The following AP1G1 variants were observed in gnomAD, a reference collection of about 807,000 sequenced individuals.
AP1G1 encodes adaptor related protein complex 1 subunit gamma 1.
AP1G1 carries 7 observed loss-of-function variants against 108.3 expected under a neutral mutation model. The observed-to-expected ratio is 0.06, with a 90% confidence interval of 0.04 to 0.12. AP1G1 has a LOEUF of 0.12. AP1G1 is among the 10% of genes least tolerant of loss of function. The pLI, the probability that AP1G1 is intolerant of heterozygous loss-of-function variation, is 1.00. For missense variants in AP1G1, 756 were observed against 1,010.7 expected (o/e 0.75, Z 3.42); for synonymous variants, 379 against 353.5 (o/e 1.07, Z -0.81).
In AP1G1 at chr16:71,774,497, G is replaced by A. The variant is rs1394322499; in HGVS notation, c.297C>T (p.Val99=). 6.2e-7 allele frequency: 1 copy of A among 1,603,024 alleles called. No homozygotes were observed. Among genetic ancestry groups the A allele is most frequent in the Admixed American group, 1.8e-5 (1 of 56,132 alleles). Residue 99 remains valine (V), a synonymous_variant, in exon 3 of 23, where the codon GTC becomes GTT. Transcript: ENST00000299980. ...TGATACAGTTGGTCATGAGAAGATG[G>A]ACATCTTGTCTTTCATCTAACAGCA... ...AMLLLDERQD[V]HLLMTNCIKN...
At chr16:71,752,828 T>C (rs1374660770) in intron 13 of AP1G1, among the ~76,000 whole-genome samples, 1 of 152,222 alleles carries the variant, frequency 6.6e-6, no homozygotes, top group East Asian at 1.9e-4. Context: ...TGAAAAATGA[T>C]ACCTCAATTT....
chr16:71,748,736 C>T (rs2030319176), intron 15 of AP1G1, among the ~76,000 whole-genome samples: 1 of 152,096 alleles, frequency 6.6e-6, no homozygotes, highest in Admixed American at 6.6e-5. Context: ...TAAAGCCAGT[C>T]CTTTAATGTG....
At position 71,730,627 on chromosome 16, in the gene AP1G1, TG is replaced by T. The variant is rs933858569; in HGVS notation, c.*2430del. 6 of 152,666 alleles carry T rather than the reference TG, an allele frequency of 3.9e-5. No individual in the cohort carries two copies. The highest frequency in any genetic ancestry group is 1.4e-4 in the African/African-American group (6 of 41,466). The allele number at this position is 152,666 out of a possible 1,614,324, so 9.5% of individuals were successfully genotyped here. On this transcript the variant is annotated 3_prime_UTR_variant, in exon 23 of 23. Transcript: ENST00000299980. ...TCTGATCCTAGAAACTAAGGCACGCTGAAGCTTTCAAAGATCCAATCATTTG... is the reference window on the plus strand; with the variant it reads ...TCTGATCCTAGAAACTAAGGCACGCTAAGCTTTCAAAGATCCAATCATTTG...
chr16:71,807,381 G>A (rs11640725), intron 1 of AP1G1, among the ~76,000 whole-genome samples: 51,760 of 152,182 alleles, frequency 0.34, 9,615 homozygotes, highest in East Asian at 0.76. Context: ...GCAGTGAGCC[G>A]AGACCGTGCC....
chr16:71,765,552 G>A lies in AP1G1; in HGVS notation c.675C>T (p.Asn225=), dbSNP rs934823507. The A allele has an allele frequency of 1.2e-6, 2 of 1,613,530 alleles. No individual in the cohort carries two copies. Among genetic ancestry groups the A allele is most frequent in the Admixed American group, 3.3e-5 (2 of 60,008 alleles). The part of the protein sequence containing the change: ...LVPQLVRILK[N]LIMSGYSPEH... Reference sequence around the variant, plus strand: ...CTGGTGAATATCCGGACATGATGAGGTTCTTTAAAATACGAACTAATTGGG... The same window carrying A: ...CTGGTGAATATCCGGACATGATGAGATTCTTTAAAATACGAACTAATTGGG... The change falls in exon 7 of 23, where the codon AAC becomes AAT. Residue 225 remains asparagine, a synonymous_variant. Coordinates refer to ENST00000299980, the MANE Select transcript of AP1G1 (RefSeq NM_001128.6).
At chr16:71,769,780 T>C (rs2145482270) in intron 5 of AP1G1, 81 bp from the exon 6 acceptor site, 2 of 1,183,826 alleles carry the variant, frequency 1.7e-6, no homozygotes, top group East Asian at 2.4e-5. Context: ...TTCCTGAAGG[T>C]CAATTCCAAA....
At chr16:71,799,780 T>G (rs929939297) in intron 1 of AP1G1, among the ~76,000 whole-genome samples, 1 of 151,722 alleles carries the variant, frequency 6.6e-6, no homozygotes, top group African/African-American at 2.4e-5. Context: ...GTGCCTGCAG[T>G]CCCAGCTACT....
intron 2 of AP1G1, among the ~76,000 whole-genome samples, chr16:71,788,209 A>G (rs1166194845): frequency 6.6e-6 from 1 of 152,212 alleles, no homozygotes; most frequent in Non-Finnish European, 1.5e-5. Context: ...AAATAAGCTG[A>G]TGACTATCTT....
At chr16:71,802,200 T>C (rs1377642990) in intron 1 of AP1G1, among the ~76,000 whole-genome samples, 2 of 151,230 alleles carry the variant, frequency 1.3e-5, no homozygotes, top group African/African-American at 4.9e-5. Context: ...TGAACCTATT[T>C]AACTAAACCT....
intron 1 of AP1G1, among the ~76,000 whole-genome samples, chr16:71,797,778 G>A (rs765195773): frequency 1.2e-4 from 18 of 151,850 alleles, no homozygotes; most frequent in Admixed American, 2.6e-4. Flanking sequence ...CAGCCTGGGC[G>A]ACAGAGCAAG....
intron 11 of AP1G1, among the ~76,000 whole-genome samples, chr16:71,757,627 TATG>T (rs1234136677): frequency 6.6e-6 from 1 of 152,200 alleles, no homozygotes; most frequent in Non-Finnish European, 1.5e-5. Context: ...GTATTTTACT[TATG>T]AGGCAATTGA....
At chr16:71,796,029 G>C (rs1464704472) in intron 1 of AP1G1, among the ~76,000 whole-genome samples, 1 of 152,200 alleles carries the variant, frequency 6.6e-6, no homozygotes, top group Non-Finnish European at 1.5e-5. Flanking sequence ...TCAAGTCCAG[G>C]AGTTCAAGAC....
Position 71,807,222 on chromosome 16 carries a change from T to C in AP1G1, c.-4+1541A>G, listed in dbSNP as rs910037710. Among the ~76,000 whole-genome samples the C allele has an allele frequency of 2.0e-5, 3 of 152,336 alleles. No homozygotes were observed. The East Asian group carries it at 5.8e-4, about 29-fold the overall frequency. ...GGGCGGATTACCTGAGCTCAGGAGT[T>C]CGAGATCTGCCTGGGCAACATGATG... On this transcript the variant is annotated intron_variant, in intron 1 of 22. Coordinates refer to ENST00000299980, the MANE Select transcript of AP1G1 (RefSeq NM_001128.6).
Position 71,729,699 on chromosome 16 carries a change from C to T in AP1G1, c.*3359G>A, listed in dbSNP as rs1459658252. The T allele has an allele frequency of 6.6e-6, 1 of 152,628 alleles. No individual in the cohort carries two copies. The highest frequency in any genetic ancestry group is 2.4e-5 in the African/African-American group (1 of 41,430). The allele number at this position is 152,628 out of a possible 1,614,324, so 9.5% of individuals were successfully genotyped here. On this transcript the variant is annotated 3_prime_UTR_variant, in exon 23 of 23. Transcript: ENST00000299980. ...CAGGACTTTCTGTGCAATTCTCTCT[C>T]CAATGATCCTACCCACTCCCAAAGT...
chr16:71,732,483 C>A lies in AP1G1; in HGVS notation c.*575G>T, dbSNP rs2045484113. ...ATACAGCAATGCACAGAAAAGGCTA[C>A]CAGGAGCCTAATGCCTCTTTCAAAC... is the stretch of plus-strand genomic sequence containing the variant. On this transcript the variant is annotated 3_prime_UTR_variant, in exon 23 of 23. Coordinates refer to ENST00000299980, the MANE Select transcript of AP1G1 (RefSeq NM_001128.6). The A allele has an allele frequency of 6.5e-6, 1 of 153,010 alleles. No individual in the cohort carries two copies. The highest frequency in any genetic ancestry group is 2.4e-5 in the African/African-American group (1 of 41,428). 9.5% of individuals were successfully genotyped at this position (153,010 alleles called of 1,614,324 possible).
chr16:71,777,001 C>T (rs2031803538), intron 2 of AP1G1, among the ~76,000 whole-genome samples: 3 of 143,612 alleles, frequency 2.1e-5, no homozygotes, highest in African/African-American at 7.8e-5. Flanking sequence ...CCCAGCTACT[C>T]GGGAGGCTGA....
chr16:71,748,330 T>G lies in AP1G1; in HGVS notation c.1546A>C (p.Asn516His). Residue 516 changes from asparagine (N) to histidine (H), a missense_variant, in exon 16 of 23, where the codon AAT becomes CAT. Transcript: ENST00000299980. ...CCTCGTGTCACAGAGGTGGACATAT[T>G]AGAGATTAGGACACTTTCTAAAATA... Reference protein sequence around the residue: ...LDILESVLISNMSTSVTRGYA... With the variant: ...LDILESVLISHMSTSVTRGYA... The G allele has an allele frequency of 3.1e-6, 5 of 1,613,786 alleles. No homozygotes were observed. Among genetic ancestry groups the G allele is most frequent in the Non-Finnish European group, 4.2e-6 (5 of 1,179,768 alleles).
chr16:71,750,777 A>G (rs1302968949), intron 13 of AP1G1, among the ~76,000 whole-genome samples: 1 of 152,128 alleles, frequency 6.6e-6, no homozygotes, highest in African/African-American at 2.4e-5. Flanking sequence ...TTTGGTTCCA[A>G]TTCTCAGGTT....
intron 1 of AP1G1, among the ~76,000 whole-genome samples, chr16:71,789,910 T>C (rs1159332572): frequency 1.3e-5 from 2 of 152,154 alleles, no homozygotes; most frequent in Non-Finnish European, 2.9e-5. Flanking sequence ...AAAATAAATA[T>C]GGTCACAATC....
Sources: allele counts gnomAD v4.1 joint callset (sites outside exome capture counted in the v4.1 genomes callset), GRCh38; gene constraint gnomAD v4.1.1; transcripts MANE v1.5; gene names NCBI Gene and HGNC (gene_info 2026-07-23, HGNC 2026-07-21).